Variants in SMYD1 observed in about 807,000 individuals in gnomAD.
SMYD1 encodes the protein histone-lysine N-methyltransferase SMYD1.
In SMYD1, 49 loss-of-function variants were observed where a neutral mutation model predicts 54.0. The ratio of observed to expected loss-of-function variants is 0.91; its 90% CI spans 0.72 to 1.15. The LOEUF is 1.15. SMYD1 is among the 50% of genes most tolerant of loss of function. The pLI, the probability that SMYD1 is intolerant of heterozygous loss-of-function variation, is 0.00. For synonymous variants in SMYD1, 269 were observed against 234.2 expected, an observed-to-expected ratio of 1.15 and a Z score of -1.36; for missense variants, 653 against 639.6, an observed-to-expected ratio of 1.02 and a Z score of -0.23.
chr2:88,076,384 G>GTTTT (rs1217998884), intron 1 of SMYD1, among the ~76,000 whole-genome samples: 1 of 151,980 alleles, frequency 6.6e-6, no homozygotes, highest in Non-Finnish European at 1.5e-5. Flanking sequence ...CCAGCTAATT[G>GTTTT]TTTTTTGTTT....
At chr2:88,094,073 A>G (rs1052018021) in intron 5 of SMYD1, among the ~76,000 whole-genome samples, 1 of 147,376 alleles carries the variant, frequency 6.8e-6, no homozygotes, top group African/African-American at 2.6e-5. Context: ...ACTTTTCTTA[A>G]TGACAACCAA....
intron 4 of SMYD1, among the ~76,000 whole-genome samples, chr2:88,092,613 A>T (rs76195623): frequency 0.014 from 2,187 of 152,342 alleles, 54 homozygotes; most frequent in African/African-American, 0.05. Flanking sequence ...GTAATTGAGA[A>T]AGTCACTCAA....
At chr2:88,100,268 T>G (rs1674693523) in intron 6 of SMYD1, among the ~76,000 whole-genome samples, 1 of 152,160 alleles carries the variant, frequency 6.6e-6, no homozygotes, top group Admixed American at 6.5e-5. Context: ...TCTGCCAGGT[T>G]GTTTTGGGGA....
intron 3 of SMYD1, among the ~76,000 whole-genome samples, chr2:88,089,876 G>A (rs764274345): frequency 5.9e-5 from 9 of 152,078 alleles, no homozygotes; most frequent in Non-Finnish European, 1.0e-4. Context: ...ACAGGCGTAA[G>A]CCACCACGCC....
At position 88,113,252 on chromosome 2, in the gene SMYD1, A is replaced by G. The variant is rs1341243305; in HGVS notation, c.*2740A>G. On this transcript the variant is annotated 3_prime_UTR_variant, in exon 10 of 10. Coordinates refer to ENST00000419482, the MANE Select transcript of SMYD1 (RefSeq NM_198274.4). ...TAGGTGCTCAGTAAATGTGTGTTGAATAAATGAATGAATGAATGAACAAAT... is the reference window on the plus strand; with the variant it reads ...TAGGTGCTCAGTAAATGTGTGTTGAGTAAATGAATGAATGAATGAACAAAT... The G allele has an allele frequency of 6.6e-6, 1 of 152,224 alleles. No individual in the cohort carries two copies. Among genetic ancestry groups the G allele is most frequent in the Non-Finnish European group, 1.5e-5 (1 of 68,042 alleles). The allele number at this position is 152,224 out of a possible 1,614,324, so 9.4% of individuals were successfully genotyped here.
At chr2:88,070,321 T>C (rs968676886) in intron 1 of SMYD1, among the ~76,000 whole-genome samples, 3 of 152,176 alleles carry the variant, frequency 2.0e-5, no homozygotes, top group Non-Finnish European at 4.4e-5. Context: ...AAAGTCACTG[T>C]ACAAAACTGG....
intron 1 of SMYD1, among the ~76,000 whole-genome samples, chr2:88,083,392 G>A (rs989101616): frequency 2.6e-5 from 4 of 151,972 alleles, no homozygotes; most frequent in Non-Finnish European, 5.9e-5. Context: ...GATACACGGG[G>A]CTCTCTAATG....
intron 8 of SMYD1, among the ~76,000 whole-genome samples, chr2:88,108,013 A>T (rs1032646919): frequency 6.6e-6 from 1 of 152,178 alleles, no homozygotes; most frequent in Non-Finnish European, 1.5e-5. Flanking sequence ...AAATGCAGAA[A>T]TCATTCGTCT....
chr2:88,110,283 C>G, intron 9 of SMYD1, 71 bp from the exon 10 acceptor site: 1 of 1,486,204 alleles, frequency 6.7e-7, no homozygotes, highest in Non-Finnish European at 9.0e-7. Flanking sequence ...TAATTTACCC[C>G]AAGGTATATC....
intron 6 of SMYD1, among the ~76,000 whole-genome samples, chr2:88,101,751 G>A (rs1034949274): frequency 4.6e-5 from 7 of 152,122 alleles, no homozygotes; most frequent in African/African-American, 7.2e-5. Flanking sequence ...GACTACAGAC[G>A]TGTGCCACTA....
At chr2:88,084,609 C>T (rs1674279561) in intron 2 of SMYD1, 117 bp downstream of exon 2, 1 of 949,146 alleles carries the variant, frequency 1.1e-6, no homozygotes, top group Non-Finnish European at 1.5e-6. Flanking sequence ...AGGAAACAGC[C>T]TCAAAGACTG....
chr2:88,073,601 A>C (rs1197858036), intron 1 of SMYD1, among the ~76,000 whole-genome samples: 1 of 152,224 alleles, frequency 6.6e-6, no homozygotes, highest in Admixed American at 6.5e-5. Context: ...TATTAAAGAC[A>C]AATTCCTACA....
At chr2:88,100,062 C>G (rs1294941817) in intron 6 of SMYD1, among the ~76,000 whole-genome samples, 2 of 151,744 alleles carry the variant, frequency 1.3e-5, no homozygotes, top group Admixed American at 6.6e-5. Flanking sequence ...GGCTCCTCCC[C>G]CCCTCTTCCT....
At chr2:88,093,470 C>T (rs758767731) in intron 4 of SMYD1, 47 bp from the exon 5 acceptor site, 26 of 1,611,010 alleles carry the variant, frequency 1.6e-5, no homozygotes, top group Non-Finnish European at 2.0e-5. Context: ...CACACCTGAT[C>T]AGCCAATGAT....
In SMYD1 at chr2:88,091,031, C is replaced by G. The variant is rs1004777562; in HGVS notation, c.548C>G (p.Thr183Ser). The G allele has an allele frequency of 3.1e-6, 5 of 1,613,890 alleles. No individual in the cohort carries two copies. The highest frequency in any genetic ancestry group is 3.4e-6 in the Non-Finnish European group (4 of 1,179,962). ...IFGVINCNGF[T>S]LSDQRGLQAV... is the part of the protein sequence containing the mutation. Reference sequence around the variant, plus strand: ...GGGTAGATTAACTGCAACGGTTTTACTCTCAGTGATCAGAGAGGCCTGCAG... The same window carrying G: ...GGGTAGATTAACTGCAACGGTTTTAGTCTCAGTGATCAGAGAGGCCTGCAG... Residue 183 changes from threonine (T) to serine (S), a missense_variant, in exon 4 of 10, where the codon ACT (threonine) becomes AGT (serine). Transcript: ENST00000419482.
At chr2:88,104,029 C>G (rs1461949935) in intron 7 of SMYD1, among the ~76,000 whole-genome samples, 5 of 150,966 alleles carry the variant, frequency 3.3e-5, no homozygotes, top group African/African-American at 4.9e-5. Context: ...TGCAGTGGCA[C>G]GATTTCGGCT....
chr2:88,088,503 C>T (rs1674390854), intron 3 of SMYD1, among the ~76,000 whole-genome samples: 1 of 152,106 alleles, frequency 6.6e-6, no homozygotes, highest in Non-Finnish European at 1.5e-5. Flanking sequence ...GAAGTGAAGA[C>T]CCCTCATCCT....
At chr2:88,076,275 C>T (rs530033438) in intron 1 of SMYD1, among the ~76,000 whole-genome samples, 60 of 152,274 alleles carry the variant, frequency 3.9e-4, no homozygotes, top group African/African-American at 1.4e-3. Context: ...AGTGCAGTGG[C>T]GTGATTTCGG....
Position 88,093,512 on chromosome 2 carries a change from T to G in SMYD1, c.660-5T>G, listed in dbSNP as rs1558853899. The G allele has an allele frequency of 6.2e-7, 1 of 1,614,148 alleles. No individual in the cohort carries two copies. ...TTCCATATGGGTGTCTGTTTTGTCT[T>G]TCAGTCATGAGGCAGTGAAATCCAT... On this transcript the variant is annotated splice_polypyrimidine_tract_variant and splice_region_variant and intron_variant, in intron 4 of 9. Coordinates refer to ENST00000419482, the MANE Select transcript of SMYD1 (RefSeq NM_198274.4).
Sources: allele counts gnomAD v4.1 joint callset (sites outside exome capture counted in the v4.1 genomes callset), GRCh38; gene constraint gnomAD v4.1.1; transcripts MANE v1.5; gene names NCBI Gene and HGNC (gene_info 2026-07-23, HGNC 2026-07-21).